The following DOCK10 variants were observed in gnomAD, a reference collection of about 807,000 sequenced individuals.
The protein encoded by DOCK10 is dedicator of cytokinesis 10.
A neutral mutation model predicts 280.1 loss-of-function variants in DOCK10; 145 were observed. The ratio of observed to expected loss-of-function variants is 0.52; its 90% confidence interval spans 0.45 to 0.59. DOCK10 has a LOEUF of 0.59. DOCK10 is among the 20% of genes least tolerant of loss of function. DOCK10 has a pLI of 0.00. For synonymous variants in DOCK10, 915 were observed against 942.2 expected (o/e 0.97, Z 0.53); for missense variants, 2,368 against 2,651.7 (o/e 0.89, Z 2.35).
chr2:224,787,688 G>A (rs1691831173), intron 48 of DOCK10, among the ~76,000 whole-genome samples: 2 of 152,076 alleles, frequency 1.3e-5, no homozygotes, highest in Admixed American at 1.3e-4. Context: ...CTATAGTTTT[G>A]AGCGAGTCTG....
At chr2:224,931,459 G>A in intron 2 of DOCK10, 90 bp downstream of exon 2, 1 of 1,429,000 alleles carries the variant, frequency 7.0e-7, no homozygotes, top group Non-Finnish European at 9.4e-7. Context: ...GCCACAGGGA[G>A]GCCTGGACTC....
intron 27 of DOCK10, among the ~76,000 whole-genome samples, chr2:224,829,737 C>A (rs1189697499): frequency 6.6e-6 from 1 of 152,068 alleles, no homozygotes; most frequent in South Asian, 2.1e-4. Context: ...AGGTGAGTCA[C>A]CAAGACCTTC....
rs140191763 is a variant in DOCK10, at chr2:225,027,347, C to T, written c.123+14905G>A. ...CAACTGGACAGCACTCTCCTTGGCC[C>T]GATGACCACTGTAATAATGAACACG... On this transcript the variant is annotated intron_variant, in intron 1 of 55. Transcript: ENST00000258390. 4.7e-3 allele frequency among the ~76,000 whole-genome samples: 710 copies of T among 152,208 alleles called. 9 individuals carry two copies. Among genetic ancestry groups the T allele is most frequent in the African/African-American group, 0.016 (664 of 41,524 alleles).
intron 7 of DOCK10, among the ~76,000 whole-genome samples, chr2:224,879,116 T>A (rs1342994365): frequency 6.6e-6 from 1 of 152,086 alleles, no homozygotes; most frequent in Non-Finnish European, 1.5e-5. Flanking sequence ...AAGGTCAGAG[T>A]TGCATTTTGA....
intron 1 of DOCK10, among the ~76,000 whole-genome samples, chr2:224,940,656 T>C (rs1286847472): frequency 6.6e-6 from 1 of 152,176 alleles, no homozygotes; most frequent in Non-Finnish European, 1.5e-5. Context: ...ATCTCTAATT[T>C]TCCATTAAGC....
At chr2:224,869,148 C>G (rs1698108887) in intron 11 of DOCK10, among the ~76,000 whole-genome samples, 1 of 152,084 alleles carries the variant, frequency 6.6e-6, no homozygotes, top group Non-Finnish European at 1.5e-5. Flanking sequence ...CTGAAAAAAA[C>G]TCGCAAAGAT....
rs1470156349 is a variant in DOCK10 at position 224,848,976 on chromosome 2, T to G, written c.2235+531A>C. On this transcript the variant is annotated intron_variant, in intron 19 of 55. Coordinates refer to ENST00000258390, the MANE Select transcript of DOCK10 (RefSeq NM_014689.3). ...AGCATCTTTTTTTTAAATTTAAATTTTAATTTTTTTAGTTGAGATGGAGTC... is the reference window on the plus strand; with the variant it reads ...AGCATCTTTTTTTTAAATTTAAATTGTAATTTTTTTAGTTGAGATGGAGTC... Among the ~76,000 whole-genome samples the G allele has an allele frequency of 4.6e-5, 7 of 152,254 alleles. No individual in the cohort carries two copies. In the East Asian group the frequency reaches 7.7e-4, roughly 17 times the overall value.
intron 3 of DOCK10, among the ~76,000 whole-genome samples, chr2:224,907,968 C>T (rs1700760323): frequency 1.3e-5 from 2 of 152,132 alleles, no homozygotes; most frequent in South Asian, 2.1e-4. Flanking sequence ...TGGTCAAATA[C>T]ATTTTAGAAA....
intron 55 of DOCK10, among the ~76,000 whole-genome samples, chr2:224,768,079 AT>A (rs1014232106): frequency 1.2e-4 from 18 of 150,482 alleles, no homozygotes; most frequent in African/African-American, 3.4e-4. Flanking sequence ...ACACAGGCTA[AT>A]TTTTTTTTGT....
At chr2:224,942,311 C>T (rs897124229) in intron 1 of DOCK10, among the ~76,000 whole-genome samples, 1 of 152,224 alleles carries the variant, frequency 6.6e-6, no homozygotes, top group African/African-American at 2.4e-5. Context: ...CTTAGGCAGA[C>T]CAAGTTTCAA....
At chr2:224,801,342 C>G (rs1488495572) in intron 40 of DOCK10, among the ~76,000 whole-genome samples, 3 of 146,896 alleles carry the variant, frequency 2.0e-5, no homozygotes, top group Admixed American at 6.8e-5. Flanking sequence ...CTTTCCTTAT[C>G]TGTCATGTGA....
At chr2:224,780,516 G>C (rs1691247022) in intron 50 of DOCK10, among the ~76,000 whole-genome samples, 1 of 152,120 alleles carries the variant, frequency 6.6e-6, no homozygotes, top group South Asian at 2.1e-4. Context: ...GTGAAAACTA[G>C]TACAAAGACA....
chr2:224,877,457 ATTCTATTGGAATAGGTT>A (rs1698703546), intron 7 of DOCK10, among the ~76,000 whole-genome samples: 9 of 151,196 alleles, frequency 6.0e-5, no homozygotes, highest in African/African-American at 2.2e-4. Flanking sequence ...ATAGGTTCCT[ATTCTATTGGAATAGGTT>A]CCTATTCTAT....
rs188264446 is a variant in DOCK10, at chr2:224,770,189, G to A, written c.6444+22C>T. 4.6e-4 allele frequency: 696 copies of A among 1,522,986 alleles called. 3 individuals carry two copies. The highest frequency in any genetic ancestry group is 5.4e-4 in the Non-Finnish European group (612 of 1,134,404). The allele number at this position is 1,522,986 out of a possible 1,614,324, so 94.3% of individuals were successfully genotyped here. A position where few individuals can be genotyped will look rare whatever the true frequency, so the allele number is the denominator to read the frequency against. ...GGGACTTTCTGTCCACTGATAGCGCGTGTGCACCAAGGAGCGCTCACCTGC... is the reference window on the plus strand; with the variant it reads ...GGGACTTTCTGTCCACTGATAGCGCATGTGCACCAAGGAGCGCTCACCTGC... On this transcript the variant is annotated intron_variant, in intron 55 of 55. Transcript: ENST00000258390. This position sits in a 1 kb window ranked among gnomAD's most constrained non-coding sequence, Gnocchi z 4.5.
At chr2:224,789,235 G>T in intron 47 of DOCK10, 65 bp from the exon 48 acceptor site, 1 of 978,676 alleles carries the variant, frequency 1.0e-6, no homozygotes, top group Non-Finnish European at 1.6e-6. Flanking sequence ...ATTAGATAAT[G>T]CCTTTCTTCA....
At chr2:224,899,525 C>A (rs1008147709) in intron 3 of DOCK10, among the ~76,000 whole-genome samples, 1 of 151,962 alleles carries the variant, frequency 6.6e-6, no homozygotes, top group East Asian at 1.9e-4. Context: ...ATGGTGGTGT[C>A]ATGGGAAAAA....
intron 26 of DOCK10, among the ~76,000 whole-genome samples, chr2:224,833,081 C>A (rs1390705401): frequency 6.6e-6 from 1 of 152,174 alleles, no homozygotes; most frequent in Non-Finnish European, 1.5e-5. Flanking sequence ...CCCAGAGGAT[C>A]CTGCTTCTCT....
At chr2:224,850,093 T>TC (rs1439050358) in intron 18 of DOCK10, among the ~76,000 whole-genome samples, 1 of 151,844 alleles carries the variant, frequency 6.6e-6, no homozygotes, top group Non-Finnish European at 1.5e-5. Flanking sequence ...TAAATCACAC[T>TC]CCCCCCAGTA....
At chr2:224,884,506 A>T (rs964163201) in intron 7 of DOCK10, among the ~76,000 whole-genome samples, 1 of 152,204 alleles carries the variant, frequency 6.6e-6, no homozygotes, top group African/African-American at 2.4e-5. Context: ...CATAAAAGGG[A>T]ATAAGGTCAG....
Sources: allele counts gnomAD v4.1 joint callset (sites outside exome capture counted in the v4.1 genomes callset), GRCh38; gene constraint gnomAD v4.1.1; non-coding constraint Gnocchi (gnomAD v3.1); transcripts MANE v1.5; gene names NCBI Gene and HGNC (gene_info 2026-07-23, HGNC 2026-07-21).